The following ERLEC1 variants were observed in gnomAD, a reference collection of about 807,000 sequenced individuals.
ERLEC1 encodes ER lectin.
A neutral mutation model predicts 68.0 loss-of-function variants in ERLEC1; 47 were observed. The ratio of observed to expected loss-of-function variants is 0.69; its 90% confidence interval spans 0.55 to 0.88. The LOEUF is 0.88. Ranked by LOEUF, ERLEC1 falls within the 40% of genes least tolerant of loss-of-function variation. ERLEC1 has a pLI of 0.00. For missense variants in ERLEC1, 567 were observed against 583.8 expected (o/e 0.97, Z 0.30); for synonymous variants, 225 against 203.2 (o/e 1.11, Z -0.91).
At chr2:53,806,349 T>C (rs1283318165) in intron 8 of ERLEC1, among the ~76,000 whole-genome samples, 2 of 152,186 alleles carry the variant, frequency 1.3e-5, no homozygotes, top group Non-Finnish European at 2.9e-5. Flanking sequence ...TGCCACCTCT[T>C]CCCCTTATCT....
intron 13 of ERLEC1, 37 bp downstream of exon 13, chr2:53,814,972 G>A: frequency 1.0e-6 from 1 of 957,388 alleles, no homozygotes; most frequent in Non-Finnish European, 1.6e-6. Flanking sequence ...ATTCCATTTT[G>A]AGCCATGTTT....
At chr2:53,793,862 G>T (rs1380695164) in intron 1 of ERLEC1, among the ~76,000 whole-genome samples, 2 of 152,134 alleles carry the variant, frequency 1.3e-5, no homozygotes, top group Non-Finnish European at 2.9e-5. Flanking sequence ...CCACCAAAAA[G>T]AATGAAAGCA....
At position 53,798,829 on chromosome 2, in the gene ERLEC1, A is replaced by C. The variant is rs111475645; in HGVS notation, c.491-218A>C. Among the ~76,000 whole-genome samples, 377 of 152,180 alleles carry C rather than the reference A, an allele frequency of 2.5e-3. 2 individuals are homozygous for C. The highest frequency in any genetic ancestry group is 8.7e-3 in the African/African-American group (360 of 41,538). On this transcript the variant is annotated intron_variant, in intron 5 of 13. Coordinates refer to ENST00000185150, the MANE Select transcript of ERLEC1 (RefSeq NM_015701.5). The stretch of plus-strand genomic sequence containing the variant: ...AGAAAATTGTTGTGGCCAGTTTTCT[A>C]CCTGAAATAGAGTATTTCCTGGGTA...
At chr2:53,797,625 A>G (rs781105783) in intron 4 of ERLEC1, 33 bp downstream of exon 4, 5 of 1,588,396 alleles carry the variant, frequency 3.1e-6, no homozygotes, top group South Asian at 1.1e-5. Context: ...ATTATGAAAC[A>G]TTATAAGATG....
At chr2:53,801,316 C>G in intron 6 of ERLEC1, 81 bp from the exon 7 acceptor site, 4 of 948,046 alleles carry the variant, frequency 4.2e-6, no homozygotes, top group Non-Finnish European at 6.4e-6. Context: ...TTCTTCCTTT[C>G]AGAATAATAA....
Position 53,799,076 on chromosome 2 carries a change from A to G in ERLEC1, c.520A>G (p.Asn174Asp), listed in dbSNP as rs1207744989. Residue 174 changes from asparagine to aspartate, a missense_variant, in exon 6 of 14, where the codon AAT (asparagine) becomes GAT (aspartate). Asn to Asp is a conservative substitution (Grantham distance 23, BLOSUM62 1). Coordinates refer to ENST00000185150, the MANE Select transcript of ERLEC1 (RefSeq NM_015701.5). ...EREAEEKEKSNEIPTKNIEGQ... is the reference protein window; with the variant it reads ...EREAEEKEKSDEIPTKNIEGQ... ...AGAAGCAGAAGAAAAGGAAAAATCAAATGAGGCAAGTGACAGATGTTGATT... is the reference window on the plus strand; with the variant it reads ...AGAAGCAGAAGAAAAGGAAAAATCAGATGAGGCAAGTGACAGATGTTGATT... 4 of 1,612,188 alleles carry G rather than the reference A, an allele frequency of 2.5e-6. No individual in the cohort carries two copies.
Position 53,801,544 on chromosome 2 carries a change from T to C in ERLEC1, c.673T>C (p.Ser225Pro). 6.2e-7 allele frequency: 1 copy of C among 1,614,178 alleles called. No homozygotes were observed. Among genetic ancestry groups the C allele is most frequent in the Non-Finnish European group, 8.5e-7 (1 of 1,179,996 alleles). The change falls in exon 7 of 14, where the codon TCA (serine) becomes CCA (proline). Residue 225 changes from serine to proline, a missense_variant. Ser to Pro is a moderately conservative substitution (Grantham distance 74). Coordinates refer to ENST00000185150, the MANE Select transcript of ERLEC1 (RefSeq NM_015701.5). Reference protein sequence around the residue: ...CHPESKHEILSVAEVTTCEYE... With the variant: ...CHPESKHEILPVAEVTTCEYE... ...TCCTGAATCTAAGCATGAAATTCTTTCAGTAGCTGAAGTTACAACTTGTGA... is the reference window on the plus strand; with the variant it reads ...TCCTGAATCTAAGCATGAAATTCTTCCAGTAGCTGAAGTTACAACTTGTGA...
At chr2:53,808,236 C>T (rs1350737469) in intron 8 of ERLEC1, 63 bp from the exon 9 acceptor site, 34 of 1,534,830 alleles carry the variant, frequency 2.2e-5, no homozygotes, top group Non-Finnish European at 2.9e-5. Context: ...TAACTTAAGC[C>T]ATAACTGAAA....
intron 1 of ERLEC1, among the ~76,000 whole-genome samples, chr2:53,790,051 A>G (rs1675305290): frequency 1.3e-5 from 2 of 149,542 alleles, no homozygotes; most frequent in African/African-American, 4.9e-5. Context: ...AGAAACCACT[A>G]CTCTCCTCAC....
rs985779863 is a variant in ERLEC1, at chr2:53,814,853, G to A, written c.1305-7G>A. 1.3e-6 allele frequency: 2 copies of A among 1,599,964 alleles called. No homozygotes were observed. The highest frequency in any genetic ancestry group is 1.7e-6 in the Non-Finnish European group (2 of 1,169,210). ...TGGACAGTACCTTAAAGTGCTCTCT[G>A]TTTTAGGTGCAAAGAATCAGATTCA... On this transcript the variant is annotated splice_region_variant and splice_polypyrimidine_tract_variant and intron_variant, in intron 12 of 13. Transcript: ENST00000185150.
At chr2:53,815,110 ATTC>A (rs1288472973) in intron 13 of ERLEC1, among the ~76,000 whole-genome samples, 175 bp downstream of exon 13, 1 of 149,352 alleles carries the variant, frequency 6.7e-6, no homozygotes, top group African/African-American at 2.5e-5. Flanking sequence ...GGTTCAAGCA[ATTC>A]TTCTGCCTCA....
At chr2:53,787,624 C>T (rs533142125) in intron 1 of ERLEC1, 6 of 392,402 alleles carry the variant, frequency 1.5e-5, no homozygotes, top group Non-Finnish European at 2.3e-5. Flanking sequence ...TCGCACTAGA[C>T]CTTGCTTCCC....
Position 53,817,960 on chromosome 2 carries a change from C to T in ERLEC1, c.1443C>T (p.Leu481=). The change falls in exon 14 of 14, where the codon CTC becomes CTT. Residue 481 remains leucine (L), a synonymous_variant. Coordinates refer to ENST00000185150, the MANE Select transcript of ERLEC1 (RefSeq NM_015701.5). ...DTADENGLLS[L]PN ...CAGATGAAAATGGACTTCTTTCTCT[C>T]CCCAACTAAAGGATATTAAAGTTAG... is the stretch of plus-strand genomic sequence containing the variant. 3 of 1,567,922 alleles carry T rather than the reference C, an allele frequency of 1.9e-6. No individual in the cohort carries two copies. Among genetic ancestry groups the T allele is most frequent in the Non-Finnish European group, 2.6e-6 (3 of 1,138,310 alleles).
rs1332204928 is a variant in ERLEC1 at position 53,794,461 on chromosome 2, T to C, written c.267+12T>C. ...CAAGTGGGGATGAGGTAAGTTTTTA[T>C]AAATATATTGATAATCCTGTCACCA... is the stretch of plus-strand genomic sequence containing the variant. On this transcript the variant is annotated intron_variant, in intron 2 of 13. Transcript: ENST00000185150. 1.3e-5 allele frequency: 16 copies of C among 1,237,430 alleles called. No individual in the cohort carries two copies. The highest frequency in any genetic ancestry group is 1.9e-5 in the Non-Finnish European group (16 of 857,238). 76.7% of individuals were successfully genotyped at this position (1,237,430 alleles called of 1,614,324 possible). A position where few individuals can be genotyped will look rare whatever the true frequency, so the allele number is the denominator to read the frequency against.
intron 1 of ERLEC1, among the ~76,000 whole-genome samples, chr2:53,793,185 TAGTAAAATG>T (rs1675504356): frequency 6.6e-6 from 1 of 152,232 alleles, no homozygotes; most frequent in African/African-American, 2.4e-5. Context: ...ATCTCTGCCT[TAGTAAAATG>T]AGTATCACAT....
Position 53,787,382 on chromosome 2 carries a change from C to A in ERLEC1, c.162+10C>A. The A allele has an allele frequency of 6.2e-7, 1 of 1,600,216 alleles. No individual in the cohort carries two copies. Among genetic ancestry groups the A allele is most frequent in the Non-Finnish European group, 8.5e-7 (1 of 1,172,740 alleles). On this transcript the variant is annotated intron_variant, in intron 1 of 13. Transcript: ENST00000185150. ...CACCGAGTTCTCTCTGGTCAGTGCC[C>A]TCACTAACCCCGCAGCCACCCCTCC...
In ERLEC1 at chr2:53,797,768, T is replaced by G; in HGVS notation, c.463T>G (p.Leu155Val). The change falls in exon 5 of 14, where the codon TTG (leucine) becomes GTG (valine). Residue 155 changes from leucine (L) to valine (V), a missense_variant. Physicochemically the swap from Leu to Val is conservative, Grantham distance 32. Coordinates refer to ENST00000185150, the MANE Select transcript of ERLEC1 (RefSeq NM_015701.5). ...NIHEYYLGNMLAKNLLFEKER... is the reference protein window; with the variant it reads ...NIHEYYLGNMVAKNLLFEKER... ...TCACGAGTACTACCTTGGGAATATG[T>G]TGGCCAAGAACCTTCTATTTGAAAA... 1 of 1,613,120 alleles carries G rather than the reference T, an allele frequency of 6.2e-7. No individual in the cohort carries two copies. The highest frequency in any genetic ancestry group is 8.5e-7 in the Non-Finnish European group (1 of 1,179,536).
At chr2:53,796,246 G>GTTTTTTTTTTTTTTTTTTTTTTTTTTTTT (rs200295316) in intron 3 of ERLEC1, among the ~76,000 whole-genome samples, 1 of 126,466 alleles carries the variant, frequency 7.9e-6, no homozygotes, top group Non-Finnish European at 1.7e-5. Context: ...TGATGGGTTG[G>GTTTTTTTTTTTTTTTTTTTTTTTTTTTTT]TTTTTTTTTT....
intron 10 of ERLEC1, among the ~76,000 whole-genome samples, chr2:53,811,184 TAC>T (rs1439303322): frequency 5.3e-5 from 8 of 152,246 alleles, no homozygotes; most frequent in African/African-American, 1.9e-4. Context: ...TTTCAGCAGA[TAC>T]AGAGGATTAT....
Sources: gnomAD v4.1 joint callset for allele counts (sites outside exome capture counted in the v4.1 genomes callset) on GRCh38, gnomAD v4.1.1 for gene constraint, MANE v1.5 for transcripts, NCBI Gene and HGNC (gene_info 2026-07-23, HGNC 2026-07-21) for gene names.